PCDH7: variants seen among roughly 807,000 people sequenced by gnomAD.
The protein encoded by PCDH7 is protocadherin-7.
Under a neutral mutation model 58.9 loss-of-function variants are expected in PCDH7, and 17 were observed. That is an observed-to-expected ratio of 0.29 (90% CI 0.20 to 0.43). The LOEUF (loss-of-function observed/expected upper bound fraction) is 0.43, where lower values mean the gene tolerates loss of function less well. Ranked by LOEUF, PCDH7 falls within the 20% of genes least tolerant of loss-of-function variation. The probability of loss-of-function intolerance (pLI) is 1.00; values close to 1 mark genes in which losing one functional copy is unlikely to be tolerated. For missense variants in PCDH7, 1,274 were observed against 1,441.0 expected, an observed-to-expected ratio of 0.88 and a Z score of 1.88; for synonymous variants, 664 against 616.4, an observed-to-expected ratio of 1.08 and a Z score of -1.14.
chr4:31,045,641 T>A (rs1756222097), intron 3 of PCDH7, among the ~76,000 whole-genome samples: 1 of 152,064 alleles, frequency 6.6e-6, no homozygotes, highest in African/African-American at 2.4e-5. Context: ...GTTGAAATTC[T>A]TAGTAACCAA....
At chr4:30,801,132 A>G (rs2109306244) in intron 1 of PCDH7, among the ~76,000 whole-genome samples, 1 of 152,306 alleles carries the variant, frequency 6.6e-6, no homozygotes, top group East Asian at 1.9e-4. Context: ...GATATAAACT[A>G]TTTGGTAGGT....
intron 3 of PCDH7, among the ~76,000 whole-genome samples, chr4:31,049,589 G>C (rs2109217996): frequency 6.6e-6 from 1 of 152,188 alleles, no homozygotes; most frequent in Non-Finnish European, 1.5e-5. Context: ...ACCCAAATTA[G>C]GTTTAGGTAA....
intron 2 of PCDH7, chr4:30,925,612 G>A (rs561805908): frequency 6.6e-6 from 1 of 152,322 alleles, no homozygotes; most frequent in East Asian, 1.9e-4. Flanking sequence ...CTAGTTGCCA[G>A]TGTCTGACTG....
chr4:30,849,395 C>A (rs890437728), intron 1 of PCDH7, among the ~76,000 whole-genome samples: 1 of 152,112 alleles, frequency 6.6e-6, no homozygotes, highest in Admixed American at 6.6e-5. Context: ...GGCAGACTGA[C>A]CTTTCAGGGC....
Position 31,032,373 on chromosome 4 carries a change from C to G in PCDH7, c.*7+82158C>G, listed in dbSNP as rs557223869. On this transcript the variant is annotated intron_variant, in intron 3 of 3. Transcript: ENST00000509759. ...CTGTAATCCCAGCACTTTGGGAGGC[C>G]AAGGCGGGTGGATCACTTGAAGCCA... Among the ~76,000 whole-genome samples the G allele has an allele frequency of 8.5e-5, 13 of 152,126 alleles. No homozygotes were observed. The East Asian group carries it at 2.5e-3, about 30-fold the overall frequency.
Position 31,097,612 on chromosome 4 carries a change from ATATATATATATATATATATATAT to A in PCDH7, c.*8-44860_*8-44838del, listed in dbSNP as rs1481968457. ...CATATATATATATATATATATATAT[ATATATATATATATATATATATAT>A]ATAAATCTTTTTTCTGTAATTTCTG... On this transcript the variant is annotated intron_variant, in intron 3 of 3. Coordinates refer to the PCDH7 transcript ENST00000509759. Among the ~76,000 whole-genome samples the A allele has an allele frequency of 1.9e-3, 64 of 33,904 alleles. 4 individuals are homozygous for A. The highest frequency in any genetic ancestry group is 7.8e-3 in the South Asian group (4 of 512). The allele number at this position is 33,904 out of a possible 152,430, so 22.2% of individuals were successfully genotyped here.
intron 1 of PCDH7, among the ~76,000 whole-genome samples, chr4:30,882,876 T>C (rs1737174732): frequency 6.6e-6 from 1 of 152,196 alleles, no homozygotes. Flanking sequence ...TAGATCTGTG[T>C]TAACCTTACT....
intron 1 of PCDH7, among the ~76,000 whole-genome samples, chr4:30,885,953 C>A (rs201817635): frequency 6.6e-6 from 1 of 152,034 alleles, no homozygotes; most frequent in Non-Finnish European, 1.5e-5. Flanking sequence ...CTTCCTTACA[C>A]CTTATACAAA....
At chr4:30,928,391 T>C (rs937633456) in intron 2 of PCDH7, among the ~76,000 whole-genome samples, 3 of 152,224 alleles carry the variant, frequency 2.0e-5, no homozygotes, top group African/African-American at 7.2e-5. Context: ...GAACAATAGG[T>C]GTCTCTTGTT....
intron 3 of PCDH7, among the ~76,000 whole-genome samples, chr4:31,128,635 AG>A (rs1249901952): frequency 7.2e-5 from 11 of 152,180 alleles, no homozygotes; most frequent in Non-Finnish European, 2.9e-5. Context: ...ATTATCCATA[AG>A]CAAAGAAGCT....
At chr4:30,787,235 T>C (rs1201033649) in intron 1 of PCDH7, among the ~76,000 whole-genome samples, 4 of 152,086 alleles carry the variant, frequency 2.6e-5, no homozygotes, top group Admixed American at 1.3e-4. Flanking sequence ...GGGATTTCAT[T>C]TGCCTTGTTT....
chr4:30,772,336 G>A (rs1721520918), intron 1 of PCDH7, among the ~76,000 whole-genome samples: 2 of 152,216 alleles, frequency 1.3e-5, no homozygotes, highest in African/African-American at 4.8e-5. Flanking sequence ...GAATACATGG[G>A]ACCTAATCTT....
chr4:30,800,136 G>A (rs1319625227), intron 1 of PCDH7, among the ~76,000 whole-genome samples: 7 of 151,948 alleles, frequency 4.6e-5, no homozygotes, highest in African/African-American at 1.7e-4. Context: ...GGGATTACAG[G>A]CGTGAGCCAC....
At chr4:31,006,892 C>CAAAAAAA in intron 3 of PCDH7, among the ~76,000 whole-genome samples, 1 of 118,342 alleles carries the variant, frequency 8.5e-6, no homozygotes, top group East Asian at 2.1e-4. Flanking sequence ...AACTTTGTCT[C>CAAAAAAA]AAAAAAAAAA....
intron 1 of PCDH7, among the ~76,000 whole-genome samples, chr4:30,861,507 G>A (rs899476489): frequency 1.3e-5 from 2 of 152,140 alleles, no homozygotes; most frequent in African/African-American, 4.8e-5. Flanking sequence ...ATTTTCTGCT[G>A]TGTATCCCTT....
At chr4:30,991,799 T>G (rs1284250394) in intron 3 of PCDH7, among the ~76,000 whole-genome samples, 7 of 152,160 alleles carry the variant, frequency 4.6e-5, no homozygotes, top group South Asian at 4.1e-4. Flanking sequence ...AAAATTAAGA[T>G]TTACATAAAA....
intron 1 of PCDH7, among the ~76,000 whole-genome samples, chr4:30,905,419 G>A (rs755763203): frequency 2.0e-5 from 3 of 151,470 alleles, no homozygotes; most frequent in Non-Finnish European, 1.5e-5. Context: ...AAGCAACAGA[G>A]CAGCATGTGA....
At chr4:31,091,693 C>T (rs1412955257) in intron 3 of PCDH7, among the ~76,000 whole-genome samples, 2 of 151,844 alleles carry the variant, frequency 1.3e-5, no homozygotes, top group Non-Finnish European at 1.5e-5. Context: ...AATCTTCTAT[C>T]AGTTATTGTG....
At chr4:31,140,758 G>A (rs927714416) in intron 3 of PCDH7, among the ~76,000 whole-genome samples, 3 of 151,946 alleles carry the variant, frequency 2.0e-5, no homozygotes, top group Admixed American at 6.6e-5. Context: ...TCTAAGATAC[G>A]TATTTGAGAA....
Sources: allele counts gnomAD v4.1 joint callset (sites outside exome capture counted in the v4.1 genomes callset), GRCh38; gene constraint gnomAD v4.1.1; transcripts MANE v1.5; gene names NCBI Gene and HGNC (gene_info 2026-07-23, HGNC 2026-07-21).